The following DEFB134 variants were observed in gnomAD, a reference collection of about 807,000 sequenced individuals.
DEFB134 encodes beta-defensin 134.
Under a neutral mutation model 7.4 loss-of-function variants are expected in DEFB134, and 7 were observed. The observed-to-expected ratio is 0.95, with a 90% confidence interval of 0.54 to 1.79. The LOEUF (loss-of-function observed/expected upper bound fraction) is 1.79. Among genes scored for constraint, DEFB134 ranks in the 40% most tolerant of loss-of-function variants. The pLI, the probability that DEFB134 is intolerant of heterozygous loss-of-function variation, is 0.00. For missense variants in DEFB134, 105 were observed against 74.8 expected (o/e 1.40, Z -1.49); for synonymous variants, 33 against 25.0 (o/e 1.32, Z -0.96).
upstream of DEFB134, among the ~76,000 whole-genome samples, chr8:11,997,608 T>G (rs1025532912): frequency 2.0e-5 from 3 of 152,014 alleles, no homozygotes; most frequent in African/African-American, 7.2e-5. Flanking sequence ...GCAACAATGA[T>G]CAAAAAGGAC....
intron 1 of DEFB134, among the ~76,000 whole-genome samples, chr8:11,994,363 G>T (rs1800062586): frequency 6.6e-6 from 1 of 152,170 alleles, no homozygotes; most frequent in Non-Finnish European, 1.5e-5. Flanking sequence ...AGTAATATAA[G>T]TTAAATGAGG....
At chr8:11,998,577 C>G (rs1377287638), upstream of DEFB134, among the ~76,000 whole-genome samples, 2 of 151,966 alleles carry the variant, frequency 1.3e-5, no homozygotes, top group African/African-American at 2.4e-5. Flanking sequence ...ATGAAAATGC[C>G]TACACCAAAA....
rs1800111661 is a variant in DEFB134 at position 11,996,060 on chromosome 8, C to G, written c.58+134G>C. On this transcript the variant is annotated intron_variant, in intron 1 of 1. Coordinates refer to ENST00000526438, the Ensembl canonical transcript of DEFB134. ...CAGATTCAAGCCCAGGTCTTGCTGA[C>G]ATCAAAACTAGTTGATGCTTTTTTC... 4 of 1,048,742 alleles carry G rather than the reference C, an allele frequency of 3.8e-6. No homozygotes were observed. The East Asian group carries it at 9.7e-5, about 25-fold the overall frequency. 65.0% of individuals were successfully genotyped at this position (1,048,742 alleles called of 1,614,324 possible). A position where few individuals can be genotyped will look rare whatever the true frequency, so the allele number is the denominator to read the frequency against.
upstream of DEFB134, among the ~76,000 whole-genome samples, chr8:12,000,566 T>G (rs1345686567): frequency 6.6e-6 from 1 of 152,190 alleles, no homozygotes; most frequent in Non-Finnish European, 1.5e-5. Context: ...TGCAGACCTA[T>G]GATAAAGTTA....
At chr8:11,994,049 C>T (rs781677176) in exon 2 of DEFB134, 6 of 1,613,902 alleles carry the variant, frequency 3.7e-6, no homozygotes, top group Admixed American at 1.7e-5. Flanking sequence ...ACATTTCACT[C>T]TCATAGCATT....
At chr8:11,997,555 G>C (rs180962012), upstream of DEFB134, among the ~76,000 whole-genome samples, 5 of 152,264 alleles carry the variant, frequency 3.3e-5, no homozygotes, top group Admixed American at 6.5e-5. Flanking sequence ...AAAAGAAAAA[G>C]AACAGTGGTT....
chr8:11,996,156 A>G, intron 1 of DEFB134, 38 bp downstream of exon 2: 2 of 1,611,504 alleles, frequency 1.2e-6, no homozygotes, highest in Non-Finnish European at 1.7e-6. Flanking sequence ...GTTCTTCTAT[A>G]TGAAGCACCC....
chr8:12,000,194 T>C (rs1176125227), upstream of DEFB134, among the ~76,000 whole-genome samples: 3 of 152,238 alleles, frequency 2.0e-5, no homozygotes, highest in African/African-American at 7.2e-5. Flanking sequence ...TGTGAAGAGA[T>C]GGTCCTCTTT....
exon 2 of DEFB134, chr8:11,994,027 A>G (rs767558112): frequency 6.2e-7 from 1 of 1,613,866 alleles, no homozygotes; most frequent in African/African-American, 1.3e-5. Flanking sequence ...TGAAACATAC[A>G]GTAGGCAACT....
In DEFB134 at chr8:11,994,154, C is replaced by G. The variant is rs369644522; in HGVS notation, c.59-32G>C. On this transcript the variant is annotated intron_variant, in intron 1 of 1. Transcript: ENST00000526438. Reference sequence around the variant, plus strand: ...GGAAAATGAATAGAAAGATAATTCACTACAGGCCTTTTTGGACCATAAAAT... The same window carrying G: ...GGAAAATGAATAGAAAGATAATTCAGTACAGGCCTTTTTGGACCATAAAAT... The G allele has an allele frequency of 2.2e-5, 35 of 1,591,238 alleles. No homozygotes were observed. In the African/African-American group the frequency reaches 4.3e-4, roughly 20 times the overall value.
intron 1 of DEFB134, among the ~76,000 whole-genome samples, chr8:11,995,635 T>C (rs1800098792): frequency 6.6e-6 from 1 of 152,216 alleles, no homozygotes; most frequent in African/African-American, 2.4e-5. Context: ...TTTCCTCATG[T>C]AACTAATGGA....
At chr8:11,996,393 G>A (rs1800124876), upstream of DEFB134, 1 of 786,080 alleles carries the variant, frequency 1.3e-6, no homozygotes, top group South Asian at 1.9e-5. Context: ...ATGCTACACT[G>A]AACACCCCTG....
upstream of DEFB134, among the ~76,000 whole-genome samples, chr8:11,997,770 C>T (rs1279754286): frequency 2.0e-5 from 3 of 152,224 alleles, no homozygotes; most frequent in Non-Finnish European, 4.4e-5. Flanking sequence ...ACAATAATAA[C>T]GAAAGACATT....
chr8:11,999,214 C>A, upstream of DEFB134: 1 of 204,382 alleles, frequency 4.9e-6, no homozygotes, highest in East Asian at 1.3e-4. Flanking sequence ...GGCGTGGGTT[C>A]ATGAAAAGCA....
At chr8:11,994,324 G>A (rs188844536) in intron 1 of DEFB134, among the ~76,000 whole-genome samples, 5 of 152,192 alleles carry the variant, frequency 3.3e-5, no homozygotes, top group African/African-American at 9.7e-5. Flanking sequence ...CCCCTGATGT[G>A]ACTGTCTTTA....
At chr8:11,996,411 C>T (rs1038666525), upstream of DEFB134, 15 of 591,522 alleles carry the variant, frequency 2.5e-5, no homozygotes, top group Admixed American at 3.3e-5. Context: ...CTGAGGCAGC[C>T]GTGTTGGCAA....
At chr8:12,000,385 G>C (rs1032154546), upstream of DEFB134, among the ~76,000 whole-genome samples, 1 of 151,970 alleles carries the variant, frequency 6.6e-6, no homozygotes, top group Non-Finnish European at 1.5e-5. Flanking sequence ...CAGTGCCAAA[G>C]GTATATTTGT....
upstream of DEFB134, among the ~76,000 whole-genome samples, chr8:11,997,125 T>C (rs972308222): frequency 5.3e-5 from 8 of 152,224 alleles, no homozygotes; most frequent in Non-Finnish European, 7.3e-5. Flanking sequence ...GCTGACACTA[T>C]AGATTACTTT....
At chr8:11,995,607 C>G (rs911978266) in intron 1 of DEFB134, among the ~76,000 whole-genome samples, 9 of 152,328 alleles carry the variant, frequency 5.9e-5, no homozygotes, top group African/African-American at 2.2e-4. Flanking sequence ...TCTCTTGAAA[C>G]TAGCCGTTCT....
Sources: gnomAD v4.1 joint callset for allele counts (sites outside exome capture counted in the v4.1 genomes callset) on GRCh38, gnomAD v4.1.1 for gene constraint, MANE v1.5 for transcripts, NCBI Gene and HGNC (gene_info 2026-07-23, HGNC 2026-07-21) for gene names.